COL5A1: variants seen among roughly 807,000 people sequenced by gnomAD.
COL5A1 encodes the protein collagen type V alpha 1 chain.
Under a neutral mutation model 263.7 loss-of-function variants are expected in COL5A1, and 16 were observed. The observed-to-expected ratio is 0.06, with a 90% CI of 0.04 to 0.09. COL5A1 has a LOEUF of 0.09. Among genes scored for constraint, COL5A1 ranks in the 10% least tolerant of loss-of-function variants. The pLI is 1.00. For synonymous variants in COL5A1, 1,012 were observed against 1,004.5 expected (o/e 1.01, Z -0.14); for missense variants, 2,036 against 2,540.5 (o/e 0.80, Z 4.27).
At chr9:134,826,959 T>C (rs1405793265) in intron 63 of COL5A1, among the ~76,000 whole-genome samples, 1 of 152,184 alleles carries the variant, frequency 6.6e-6, no homozygotes, top group Admixed American at 6.5e-5. Flanking sequence ...GGTCCAGCCT[T>C]GGCCCAGGCG....
At chr9:134,748,087 G>GCACAGACATGCATCCACACATGCATA (rs201171837) in intron 11 of COL5A1, among the ~76,000 whole-genome samples, 19 of 143,152 alleles carry the variant, frequency 1.3e-4, no homozygotes, top group African/African-American at 4.4e-4. Flanking sequence ...AAACATGCAT[G>GCACAGACATGCATCCACACATGCATA]CACAGACATG....
At chr9:134,809,146 G>T in intron 42 of COL5A1, 37 bp from the exon 43 acceptor site, 1 of 1,517,854 alleles carries the variant, frequency 6.6e-7, no homozygotes, top group South Asian at 1.2e-5. Context: ...TCCCAGGTTG[G>T]AGCCACGTTT....
rs1006345926 is a variant in COL5A1, at chr9:134,823,143, C to T, written c.4644+110C>T. The T allele has an allele frequency of 3.1e-6, 4 of 1,303,212 alleles. No individual in the cohort carries two copies. In the African/African-American group the frequency reaches 5.9e-5, roughly 19 times the overall value. 80.7% of individuals were successfully genotyped at this position (1,303,212 alleles called of 1,614,324 possible). A position where few individuals can be genotyped will look rare whatever the true frequency, so the allele number is the denominator to read the frequency against. On this transcript the variant is annotated intron_variant, in intron 60 of 65. Coordinates refer to ENST00000371817, the MANE Select transcript of COL5A1 (RefSeq NM_000093.5). ...GACAACCGTCCTAGCTCAGGCCCTG[C>T]TGCTCACGATCCTCCCATCTTTCTA...
At chr9:134,685,761 C>T (rs1400037779) in intron 1 of COL5A1, among the ~76,000 whole-genome samples, 7 of 140,560 alleles carry the variant, frequency 5.0e-5, no homozygotes, top group African/African-American at 7.9e-5. Flanking sequence ...CACCATCCAT[C>T]CACCATCCAT....
chr9:134,780,734 G>A lies in COL5A1; in HGVS notation c.2430+588G>A, dbSNP rs114107517. Among the ~76,000 whole-genome samples, 416 of 152,346 alleles carry A rather than the reference G, an allele frequency of 2.7e-3. 1 individual carries two copies. The highest frequency in any genetic ancestry group is 9.7e-3 in the African/African-American group (403 of 41,584). The stretch of plus-strand genomic sequence containing the variant: ...TGCCAGAGTCAGAAGCTTGGGTGCA[G>A]CCTGCAGCGGCGACAGCCTGAGCCA... On this transcript the variant is annotated intron_variant, in intron 28 of 65. Transcript: ENST00000371817.
chr9:134,804,909 C>T (rs1838241591), intron 39 of COL5A1, 66 bp from the exon 40 acceptor site: 2 of 1,409,778 alleles, frequency 1.4e-6, no homozygotes, highest in Non-Finnish European at 2.0e-6. Context: ...CTTGGCTTCG[C>T]TCTGGGGCTG....
intron 2 of COL5A1, among the ~76,000 whole-genome samples, chr9:134,691,428 A>G (rs1833276067): frequency 6.6e-6 from 1 of 152,298 alleles, no homozygotes; most frequent in African/African-American, 2.4e-5. Context: ...TGAGGTTGAG[A>G]GAAACCTCGG....
chr9:134,679,663 G>A lies in COL5A1; in HGVS notation c.110-11249G>A, dbSNP rs866395713. On this transcript the variant is annotated intron_variant, in intron 1 of 65. Coordinates refer to ENST00000371817, the MANE Select transcript of COL5A1 (RefSeq NM_000093.5). ...GGGGGCACTGCGGGGCTGGTTGGGG[G>A]CACTGCGGGGCTTCTTGGGGCACTG... Among the ~76,000 whole-genome samples, 3 of 110,926 alleles carry A rather than the reference G, an allele frequency of 2.7e-5. No homozygotes were observed. In the Admixed American group the frequency reaches 3.0e-4, roughly 11 times the overall value. The allele number at this position is 110,926 out of a possible 152,430, so 72.8% of individuals were successfully genotyped here.
At chr9:134,766,949 G>A (rs1836691536) in intron 22 of COL5A1, 51 bp from the exon 23 acceptor site, 2 of 1,550,180 alleles carry the variant, frequency 1.3e-6, no homozygotes, top group South Asian at 1.1e-5. Context: ...CCCAGGAAGG[G>A]GATACAGTTC....
At chr9:134,830,248 G>A in intron 64 of COL5A1, 1 of 1,463,552 alleles carries the variant, frequency 6.8e-7, no homozygotes, top group Non-Finnish European at 9.4e-7. Context: ...GGCTCTGCAT[G>A]GCACCCATCG....
chr9:134,716,126 GTGC>G lies in COL5A1; in HGVS notation c.655-11138_655-11136del, dbSNP rs2132610328. 6.6e-6 allele frequency among the ~76,000 whole-genome samples: 1 copy of G among 152,272 alleles called. No individual in the cohort carries two copies. The highest frequency in any genetic ancestry group is 2.1e-4 in the South Asian group (1 of 4,830). ...GGTGCTGGTGGTGGCTGTGGAGGCT[GTGC>G]TAGTGGATGCTGATTGCTCTGGGGA... On this transcript the variant is annotated intron_variant, in intron 4 of 65. Transcript: ENST00000371817. This position sits in a 1 kb window ranked among gnomAD's most constrained non-coding sequence, Gnocchi z 4.5.
In COL5A1 at chr9:134,759,934, C is replaced by G. The variant is rs1440689697; in HGVS notation, c.1935+1638C>G. Reference sequence around the variant, plus strand: ...CCCCACACTCATACATGCACACACACGCATACATACCCCCACACCCCCACA... The same window carrying G: ...CCCCACACTCATACATGCACACACAGGCATACATACCCCCACACCCCCACA... On this transcript the variant is annotated intron_variant, in intron 18 of 65. Transcript: ENST00000371817. 3.8e-5 allele frequency among the ~76,000 whole-genome samples: 5 copies of G among 130,980 alleles called. No individual in the cohort carries two copies. In the East Asian group the frequency reaches 7.8e-4, roughly 21 times the overall value. 85.9% of individuals were successfully genotyped at this position (130,980 alleles called of 152,430 possible).
Position 134,812,673 on chromosome 9 carries a change from C to A in COL5A1, c.3813C>A (p.Pro1271=). ...GAPGADGPQG[P]PGGIGNPGAV... is the part of the protein sequence containing the mutation. ...CAGGTGCTGATGGCCCACAAGGTCCCCCAGGTGGAATAGGAAACCCTGGTG... is the reference window on the plus strand; with the variant it reads ...CAGGTGCTGATGGCCCACAAGGTCCACCAGGTGGAATAGGAAACCCTGGTG... Residue 1271 remains proline, a synonymous_variant, in exon 48 of 66, where the codon CCC becomes CCA. Transcript: ENST00000371817. 6.3e-7 allele frequency: 1 copy of A among 1,593,122 alleles called. No homozygotes were observed.
In COL5A1 at chr9:134,732,230, C is replaced by T. The variant is rs777109422; in HGVS notation, c.1389+103C>T. Reference sequence around the variant, plus strand: ...ACAGGTCCGTGGGCCCCTGCACCTGCGCGCACTGGGTCACTTCGAGCAACC... The same window carrying T: ...ACAGGTCCGTGGGCCCCTGCACCTGTGCGCACTGGGTCACTTCGAGCAACC... On this transcript the variant is annotated intron_variant, in intron 9 of 65. Transcript: ENST00000371817. 1.6e-4 allele frequency: 193 copies of T among 1,236,112 alleles called. 1 individual carries two copies. The highest frequency in any genetic ancestry group is 4.8e-4 in the Admixed American group (28 of 58,894). The allele number at this position is 1,236,112 out of a possible 1,614,324, so 76.6% of individuals were successfully genotyped here.
rs1217612111 is a variant in COL5A1 at position 134,647,956 on chromosome 9, G to C, written c.109+5660G>C. Among the ~76,000 whole-genome samples the C allele has an allele frequency of 6.6e-6, 1 of 152,178 alleles. No individual in the cohort carries two copies. The highest frequency in any genetic ancestry group is 2.4e-5 in the African/African-American group (1 of 41,426). ...AATTTGATTGGATTGAAGGATACAA[G>C]TATTAATCCTGCGTGTGTCTATGAG... On this transcript the variant is annotated intron_variant, in intron 1 of 65. Transcript: ENST00000371817. The surrounding 1 kb of genome is among the most constrained non-coding windows in gnomAD (Gnocchi z 5.0).
chr9:134,655,205 C>G (rs1170988569), intron 1 of COL5A1, among the ~76,000 whole-genome samples: 1 of 151,272 alleles, frequency 6.6e-6, no homozygotes, highest in Non-Finnish European at 1.5e-5. Flanking sequence ...TGTGTTGGGC[C>G]GGGCGTCTGT....
intron 11 of COL5A1, among the ~76,000 whole-genome samples, chr9:134,749,306 C>T (rs941259284): frequency 1.3e-5 from 2 of 152,206 alleles, no homozygotes; most frequent in African/African-American, 2.4e-5. Flanking sequence ...GTTAGTGTGT[C>T]CAGCATGTGC....
chr9:134,814,296 C>T (rs1358947397), intron 49 of COL5A1, among the ~76,000 whole-genome samples: 1 of 152,142 alleles, frequency 6.6e-6, no homozygotes, highest in African/African-American at 2.4e-5. Flanking sequence ...TGCTCCTGGC[C>T]CCTTCGCGGG....
At chr9:134,804,910 T>C (rs935590841) in intron 39 of COL5A1, 65 bp from the exon 40 acceptor site, 102 of 1,414,782 alleles carry the variant, frequency 7.2e-5, no homozygotes, top group Non-Finnish European at 9.8e-5. Flanking sequence ...TTGGCTTCGC[T>C]CTGGGGCTGG....
Sources: gnomAD v4.1 joint callset for allele counts (sites outside exome capture counted in the v4.1 genomes callset) on GRCh38, gnomAD v4.1.1 for gene constraint, Gnocchi (gnomAD v3.1) non-coding constraint, MANE v1.5 for transcripts, NCBI Gene and HGNC (gene_info 2026-07-23, HGNC 2026-07-21) for gene names.